Variants in EGFR observed in about 807,000 individuals in gnomAD.
EGFR encodes epidermal growth factor receptor.
Under a neutral mutation model 143.0 loss-of-function variants are expected in EGFR, and 58 were observed. The ratio of observed to expected loss-of-function variants is 0.41; its 90% CI spans 0.33 to 0.50. The LOEUF is 0.50. EGFR is among the 20% of genes least tolerant of loss of function. The probability of loss-of-function intolerance (pLI) is 0.39; values close to 1 mark genes in which losing one functional copy is unlikely to be tolerated. For missense variants in EGFR, 1,307 were observed against 1,579.0 expected, an observed-to-expected ratio of 0.83 and a Z score of 2.92; for synonymous variants, 613 against 594.4, an observed-to-expected ratio of 1.03 and a Z score of -0.45.
chr7:55,100,359 C>T (rs1300439341), intron 1 of EGFR, among the ~76,000 whole-genome samples: 2 of 152,240 alleles, frequency 1.3e-5, no homozygotes, highest in Non-Finnish European at 2.9e-5. Context: ...TGCACACAAC[C>T]GCCATCTCTG....
intron 22 of EGFR, among the ~76,000 whole-genome samples, chr7:55,194,842 A>C (rs934848052): frequency 1.3e-5 from 2 of 152,254 alleles, no homozygotes; most frequent in African/African-American, 4.8e-5. Flanking sequence ...TCACTGGCCT[A>C]GGCAGCCCAC....
chr7:55,110,815 G>C (rs1281357295), intron 1 of EGFR, among the ~76,000 whole-genome samples: 2 of 152,154 alleles, frequency 1.3e-5, no homozygotes, highest in Non-Finnish European at 2.9e-5. Flanking sequence ...TGACCAGCTG[G>C]CCCCTGGCAG....
chr7:55,151,568 A>G (rs1343387009), intron 5 of EGFR, among the ~76,000 whole-genome samples: 1 of 152,220 alleles, frequency 6.6e-6, no homozygotes, highest in Admixed American at 6.5e-5. Context: ...GCTTCAGCCT[A>G]TCACAAATAA....
At chr7:55,115,585 A>G (rs969562285) in intron 1 of EGFR, among the ~76,000 whole-genome samples, 9 of 152,220 alleles carry the variant, frequency 5.9e-5, no homozygotes, top group African/African-American at 2.2e-4. Flanking sequence ...CTGAATCTCA[A>G]GGGGTTCCTG....
At chr7:55,027,362 T>C (rs1786952863) in intron 1 of EGFR, among the ~76,000 whole-genome samples, 1 of 152,354 alleles carries the variant, frequency 6.6e-6, no homozygotes, top group South Asian at 2.1e-4. Flanking sequence ...GAAATACTTG[T>C]AGGCCCTGTG....
chr7:55,068,428 A>G (rs1045557343), intron 1 of EGFR, among the ~76,000 whole-genome samples: 1 of 152,100 alleles, frequency 6.6e-6, no homozygotes, highest in Non-Finnish European at 1.5e-5. Flanking sequence ...TTCCTTGACT[A>G]TGGTTATTTC....
chr7:55,028,985 C>T (rs1042382029), intron 1 of EGFR, among the ~76,000 whole-genome samples: 2 of 151,902 alleles, frequency 1.3e-5, no homozygotes, highest in Non-Finnish European at 2.9e-5. Context: ...TGGTGAAACC[C>T]GCCTCTACTA....
chr7:55,184,810 C>T (rs1439270014), intron 20 of EGFR, among the ~76,000 whole-genome samples: 2 of 152,172 alleles, frequency 1.3e-5, no homozygotes, highest in African/African-American at 4.8e-5. Flanking sequence ...ACAGCTGTCC[C>T]TGGAGGGAAA....
At chr7:55,124,659 C>G (rs771110450) in intron 1 of EGFR, among the ~76,000 whole-genome samples, 1 of 152,162 alleles carries the variant, frequency 6.6e-6, no homozygotes, top group Non-Finnish European at 1.5e-5. Context: ...AGGATCCGTT[C>G]CCTTCTGATC....
At chr7:55,184,851 T>C (rs1787061662) in intron 20 of EGFR, among the ~76,000 whole-genome samples, 1 of 152,242 alleles carries the variant, frequency 6.6e-6, no homozygotes, top group Non-Finnish European at 1.5e-5. Flanking sequence ...ATTGTGACAA[T>C]AGAAATTTGC....
Position 55,207,789 on chromosome 7 carries a change from G to T in EGFR, c.*2172G>T, listed in dbSNP as rs884904. 6.6e-6 allele frequency: 1 copy of T among 152,198 alleles called. No individual in the cohort carries two copies. Among genetic ancestry groups the T allele is most frequent in the African/African-American group, 2.4e-5 (1 of 41,432 alleles). The allele number at this position is 152,198 out of a possible 1,614,324, so 9.4% of individuals were successfully genotyped here. On this transcript the variant is annotated 3_prime_UTR_variant, in exon 28 of 28. Coordinates refer to ENST00000275493, the MANE Select transcript of EGFR (RefSeq NM_005228.5). ...TCCCTAAAAGTTGCAGCCCCCAGGGGGATTTTGAGCTATCATCTCTGCACA... is the reference window on the plus strand; with the variant it reads ...TCCCTAAAAGTTGCAGCCCCCAGGGTGATTTTGAGCTATCATCTCTGCACA...
At chr7:55,197,992 A>G (rs1787689323) in intron 22 of EGFR, among the ~76,000 whole-genome samples, 1 of 152,188 alleles carries the variant, frequency 6.6e-6, no homozygotes, top group African/African-American at 2.4e-5. Context: ...AAGCTTTGGT[A>G]TCAGGATGAC....
At chr7:55,107,613 T>C (rs1792215437) in intron 1 of EGFR, among the ~76,000 whole-genome samples, 1 of 152,240 alleles carries the variant, frequency 6.6e-6, no homozygotes, top group South Asian at 2.1e-4. Flanking sequence ...AGCACTGCCC[T>C]GCCAGGCAGA....
At chr7:55,201,661 C>T (rs996657771) in intron 25 of EGFR, 74 bp from the exon 26 acceptor site, 4 of 1,568,262 alleles carry the variant, frequency 2.6e-6, no homozygotes, top group African/African-American at 2.7e-5. Context: ...ATGAGGCACA[C>T]CACCTGCATT....
At chr7:55,170,220 A>G in intron 15 of EGFR, 1 of 1,610,038 alleles carries the variant, frequency 6.2e-7, no homozygotes, top group Admixed American at 1.7e-5. Flanking sequence ...GAGCAGAGAT[A>G]GAAACTGTTA....
At chr7:55,204,655 C>G (rs200415877) in intron 27 of EGFR, among the ~76,000 whole-genome samples, 1 of 113,760 alleles carries the variant, frequency 8.8e-6, no homozygotes, top group Non-Finnish European at 1.9e-5. Context: ...TACACATACA[C>G]ACACCACACA....
chr7:55,203,583 A>ACGC (rs1329335901), intron 27 of EGFR, among the ~76,000 whole-genome samples: 1 of 121,912 alleles, frequency 8.2e-6, no homozygotes. Context: ...CATACGCCAC[A>ACGC]CACACACCAC....
intron 15 of EGFR, chr7:55,170,188 G>C: frequency 6.4e-7 from 1 of 1,567,382 alleles, no homozygotes; most frequent in South Asian, 1.1e-5. Flanking sequence ...AAGAAGAGCA[G>C]TGTAGAGAAC....
intron 1 of EGFR, among the ~76,000 whole-genome samples, chr7:55,081,022 G>C (rs17172436): frequency 0.045 from 6,829 of 152,122 alleles, 280 homozygotes; most frequent in African/African-American, 0.11. Flanking sequence ...CCTGCAAAAG[G>C]TGCACATCAA....
Sources: gnomAD v4.1 joint callset for allele counts (sites outside exome capture counted in the v4.1 genomes callset) on GRCh38, gnomAD v4.1.1 for gene constraint, MANE v1.5 for transcripts, NCBI Gene and HGNC (gene_info 2026-07-23, HGNC 2026-07-21) for gene names.